Variants in TPPP2 observed in about 807,000 individuals in gnomAD.
TPPP2 encodes the protein tubulin polymerization-promoting protein family member 2.
TPPP2 carries 8 observed loss-of-function variants against 13.0 expected under a neutral mutation model. The observed-to-expected ratio is 0.62, with a 90% CI of 0.36 to 1.11. The LOEUF is 1.11. Ranked by LOEUF, TPPP2 falls within the 50% of genes most tolerant of loss-of-function variation. The pLI is 0.02. For missense variants in TPPP2, 213 were observed against 216.9 expected (o/e 0.98, Z 0.11); for synonymous variants, 81 against 81.8 (o/e 0.99, Z 0.05).
At chr14:21,033,000 G>T (rs1386644584), downstream of TPPP2, 5 of 455,884 alleles carry the variant, frequency 1.1e-5, no homozygotes, top group East Asian at 1.4e-4. Context: ...TCGCTGCCTG[G>T]TCAGGGGCAG....
At chr14:21,029,615 TAAATA>T (rs1321874072), upstream of TPPP2, among the ~76,000 whole-genome samples, 4 of 151,872 alleles carry the variant, frequency 2.6e-5, no homozygotes, top group African/African-American at 9.7e-5. Context: ...AATACGCAAA[TAAATA>T]AAATAAAATC....
upstream of TPPP2, among the ~76,000 whole-genome samples, chr14:21,026,415 A>G (rs1039638370): frequency 5.3e-5 from 8 of 151,040 alleles, no homozygotes; most frequent in Admixed American, 3.3e-4. Context: ...ACAATGGCCA[A>G]TGGAACTTGA....
chr14:21,032,263 C>T lies in TPPP2; in HGVS notation c.*186C>T, dbSNP rs2139082742. ...GAGGGTGGGTTCTCCACCACACACC[C>T]TTCGCTCTGCTTAGCCTTATGCCTA... On this transcript the variant is annotated 3_prime_UTR_variant, in exon 4 of 4. Coordinates refer to ENST00000321760, the MANE Select transcript of TPPP2 (RefSeq NM_173846.5). The T allele has an allele frequency of 2.9e-6, 2 of 695,008 alleles. No individual in the cohort carries two copies. The highest frequency in any genetic ancestry group is 2.8e-5 in the East Asian group (1 of 35,636). 43.1% of individuals were successfully genotyped at this position (695,008 alleles called of 1,614,324 possible).
At chr14:21,024,776 T>A (rs912898141) in intron 1 of TPPP2, 112 of 985,376 alleles carry the variant, frequency 1.1e-4, no homozygotes, top group Non-Finnish European at 1.1e-4. Context: ...ACGCAGCCCG[T>A]CCGCGTGGAG....
In TPPP2 at chr14:21,032,246, G is replaced by C; in HGVS notation, c.*169G>C. ...GAGAAGAGGCAGCACAGGAGGGTGGGTTCTCCACCACACACCCTTCGCTCT... is the reference window on the plus strand; with the variant it reads ...GAGAAGAGGCAGCACAGGAGGGTGGCTTCTCCACCACACACCCTTCGCTCT... On this transcript the variant is annotated 3_prime_UTR_variant, in exon 4 of 4. Transcript: ENST00000321760. 2.7e-6 allele frequency: 2 copies of C among 734,108 alleles called. No individual in the cohort carries two copies. Among genetic ancestry groups the C allele is most frequent in the Non-Finnish European group, 4.8e-6 (2 of 416,068 alleles). 45.5% of individuals were successfully genotyped at this position (734,108 alleles called of 1,614,324 possible).
downstream of TPPP2, chr14:21,033,339 T>C (rs1480836333): frequency 1.0e-5 from 3 of 287,252 alleles, no homozygotes; most frequent in Non-Finnish European, 1.3e-5. Flanking sequence ...GAGGTTCCTA[T>C]AGCTAGCCAT....
intron 1 of TPPP2, chr14:21,024,704 G>A: frequency 1.0e-6 from 1 of 985,442 alleles, no homozygotes; most frequent in East Asian, 1.1e-4. Flanking sequence ...ATCGGGAAGG[G>A]ATGGGTAGGA....
At chr14:21,025,569 G>C (rs1883448347), upstream of TPPP2, 1 of 985,460 alleles carries the variant, frequency 1.0e-6, no homozygotes, top group Middle Eastern at 5.2e-4. This position sits in a 1 kb window ranked among gnomAD's most constrained non-coding sequence, Gnocchi z 5.1. Context: ...CTGAGGAGGC[G>C]GGGGTCTCGC....
At chr14:21,026,304 C>T (rs566757701), upstream of TPPP2, among the ~76,000 whole-genome samples, 1 of 151,360 alleles carries the variant, frequency 6.6e-6, no homozygotes, top group Non-Finnish European at 1.5e-5. Context: ...CCACCTGCCC[C>T]CCTTGTAGCT....
At chr14:21,033,857 A>G (rs776353982), downstream of TPPP2, 1 of 1,613,984 alleles carries the variant, frequency 6.2e-7, no homozygotes, top group East Asian at 2.2e-5. Context: ...CTATTGGATC[A>G]GCTTCATACT....
downstream of TPPP2, chr14:21,034,297 C>T: frequency 6.2e-7 from 1 of 1,601,350 alleles, no homozygotes; most frequent in Non-Finnish European, 8.5e-7. Flanking sequence ...ATTCCTCCTG[C>T]TGGTAGAGTT....
At position 21,032,254 on chromosome 14, in the gene TPPP2, C is replaced by T; in HGVS notation, c.*177C>T. The T allele has an allele frequency of 1.4e-6, 1 of 707,742 alleles. No individual in the cohort carries two copies. The highest frequency in any genetic ancestry group is 2.5e-6 in the Non-Finnish European group (1 of 393,188). The allele number at this position is 707,742 out of a possible 1,614,324, so 43.8% of individuals were successfully genotyped here. A position where few individuals can be genotyped will look rare whatever the true frequency, so the allele number is the denominator to read the frequency against. On this transcript the variant is annotated 3_prime_UTR_variant, in exon 4 of 4. Transcript: ENST00000321760. ...GCAGCACAGGAGGGTGGGTTCTCCA[C>T]CACACACCCTTCGCTCTGCTTAGCC... is the stretch of plus-strand genomic sequence containing the variant.
chr14:21,029,839 C>A (rs74821390), upstream of TPPP2, among the ~76,000 whole-genome samples: 5,492 of 152,244 alleles, frequency 0.036, 336 homozygotes, highest in African/African-American at 0.12. Flanking sequence ...TCTGCCAGCA[C>A]CTTGATCTTA....
chr14:21,028,610 G>A (rs1343172141), upstream of TPPP2: 6 of 152,188 alleles, frequency 3.9e-5, no homozygotes, highest in East Asian at 1.2e-3. Context: ...AAAAGATTTA[G>A]CAATGAGAAG....
At chr14:21,031,217 T>C in intron 3 of TPPP2, 52 bp downstream of exon 3, 1 of 1,592,810 alleles carries the variant, frequency 6.3e-7, no homozygotes, top group Non-Finnish European at 8.6e-7. Context: ...TCCCCATTGT[T>C]CCAGTCTACC....
In TPPP2 at chr14:21,032,026, C is replaced by CT; in HGVS notation, c.463dup (p.Tyr155LeufsTer13). 1 of 1,614,150 alleles carries CT rather than the reference C, an allele frequency of 6.2e-7. No homozygotes were observed. The highest frequency in any genetic ancestry group is 8.5e-7 in the Non-Finnish European group (1 of 1,180,002). ...GGGAAGAGATGACTGACAACACAGGCTATGTGAGTGGTTACAAGGGTTCTG... is the reference window on the plus strand; with the variant it reads ...GGGAAGAGATGACTGACAACACAGGCTTATGTGAGTGGTTACAAGGGTTCTG... On this transcript the variant is annotated frameshift_variant, in exon 4 of 4. Coordinates refer to ENST00000321760, the MANE Select transcript of TPPP2 (RefSeq NM_173846.5). LOFTEE classifies it high-confidence loss of function.
chr14:21,027,613 A>G (rs1237253877), upstream of TPPP2, among the ~76,000 whole-genome samples: 2 of 152,208 alleles, frequency 1.3e-5, no homozygotes, highest in Admixed American at 1.3e-4. Flanking sequence ...ATTCATCAAT[A>G]CTTTGAAGTA....
chr14:21,026,461 C>T (rs1452818397), upstream of TPPP2, among the ~76,000 whole-genome samples: 1 of 151,050 alleles, frequency 6.6e-6, no homozygotes, highest in Non-Finnish European at 1.5e-5. Flanking sequence ...ACTGCCCCCC[C>T]AAGACCCCCA....
At position 21,032,386 on chromosome 14, in the gene TPPP2, AG is replaced by A. The variant is rs1297495893; in HGVS notation, c.*310del. On this transcript the variant is annotated 3_prime_UTR_variant, in exon 4 of 4. Transcript: ENST00000321760. ...GAGATGAACCAGATGTGGAGGTAAA[AG>A]TATCTACTACTTGTGTTCACACATT... 4.2e-6 allele frequency: 2 copies of A among 478,350 alleles called. No homozygotes were observed. Among genetic ancestry groups the A allele is most frequent in the Admixed American group, 4.7e-5 (2 of 42,410 alleles). 29.6% of individuals were successfully genotyped at this position (478,350 alleles called of 1,614,324 possible).
Sources: gnomAD v4.1 joint callset for allele counts (sites outside exome capture counted in the v4.1 genomes callset) on GRCh38, gnomAD v4.1.1 for gene constraint, Gnocchi (gnomAD v3.1) non-coding constraint, MANE v1.5 for transcripts, NCBI Gene and HGNC (gene_info 2026-07-23, HGNC 2026-07-21) for gene names.